CXorf65: variants seen among roughly 807,000 people sequenced by gnomAD.
CXorf65 encodes uncharacterized protein CXorf65.
For missense variants in CXorf65, 137 were observed against 144.7 expected, an observed-to-expected ratio of 0.95 and a Z score of 0.27; for synonymous variants, 54 against 51.4, an observed-to-expected ratio of 1.05 and a Z score of -0.21.
chrX:71,104,353 A>T lies in CXorf65; in HGVS notation c.371T>A (p.Leu124His). The T allele has an allele frequency of 9.9e-6, 12 of 1,209,337 alleles. No individual in the cohort carries two copies. Among genetic ancestry groups the T allele is most frequent in the Non-Finnish European group, 1.1e-5 (10 of 894,235 alleles). The stretch of plus-strand genomic sequence containing the variant: ...GACCTTCTTGGCTTCTTTCATTTTA[A>T]GCATCTGAATTCGTCTCCTCTCCAG... ...DALERRRIQMLKMKEAKKVVI... is the reference protein window; with the variant it reads ...DALERRRIQMHKMKEAKKVVI... The change falls in exon 5 of 6, where the codon CTT (leucine) becomes CAT (histidine). Residue 124 changes from leucine to histidine, a missense_variant. Coordinates refer to ENST00000374251, the MANE Select transcript of CXorf65 (RefSeq NM_001025265.3).
At position 71,104,126 on chromosome X, in the gene CXorf65, G is replaced by A. The variant is rs1465159981; in HGVS notation, c.427-14C>T. The stretch of plus-strand genomic sequence containing the variant: ...TGATTGCTTGGACTAGAAAAAGAAA[G>A]TAAGTAAACAAAGAGGCCCCTGCAG... On this transcript the variant is annotated splice_polypyrimidine_tract_variant and intron_variant, in intron 5 of 5. Transcript: ENST00000374251. 2 of 1,207,611 alleles carry A rather than the reference G, an allele frequency of 1.7e-6. No individual in the cohort carries two copies. The highest frequency in any genetic ancestry group is 3.5e-5 in the South Asian group (2 of 56,532).
intron 3 of CXorf65, 50 bp from the exon 4 acceptor site, chrX:71,104,887 C>T (rs766156288): frequency 2.7e-6 from 3 of 1,114,291 alleles, no homozygotes; most frequent in Non-Finnish European, 2.5e-6. Flanking sequence ...CCAGTCTCCA[C>T]CCTTCAGAAG....
intron 4 of CXorf65, 129 bp downstream of exon 4, chrX:71,104,640 C>A: frequency 2.9e-6 from 2 of 678,274 alleles, no homozygotes; most frequent in South Asian, 2.6e-5. Flanking sequence ...TGGACCTGGA[C>A]CCTGCCCGCC....
At chrX:71,104,187 A>G (rs1569479348) in intron 5 of CXorf65, 75 bp from the exon 6 acceptor site, 5 of 1,151,021 alleles carry the variant, frequency 4.3e-6, no homozygotes, top group Non-Finnish European at 5.9e-6. Flanking sequence ...AAGGAAGGAA[A>G]AAAGAAATTG....
At chrX:71,104,175 C>G in intron 5 of CXorf65, 63 bp from the exon 6 acceptor site, 1 of 1,165,088 alleles carries the variant, frequency 8.6e-7, no homozygotes, top group Non-Finnish European at 1.2e-6. Flanking sequence ...AACCCAGGGC[C>G]AAAGGAAGGA....
chrX:71,104,694 C>A, intron 4 of CXorf65, 75 bp downstream of exon 4: 1 of 1,013,532 alleles, frequency 9.9e-7, no homozygotes, highest in South Asian at 1.9e-5. Flanking sequence ...TCACGCTAGT[C>A]CCACCCTACA....
chrX:71,106,510 C>T, intron 1 of CXorf65, 22 bp downstream of exon 1: 1 of 1,207,277 alleles, frequency 8.3e-7, no homozygotes, highest in Non-Finnish European at 1.1e-6. Context: ...TCCACAGACT[C>T]TAGTTCTGTG....
chrX:71,105,514 G>A (rs963606210), intron 3 of CXorf65, among the ~76,000 whole-genome samples: 2 of 104,341 alleles, frequency 1.9e-5, no homozygotes, highest in Admixed American at 1.1e-4. Flanking sequence ...AGCTGAGATC[G>A]CGCCATTGCA....
At chrX:71,104,674 A>G in intron 4 of CXorf65, 95 bp downstream of exon 4, 1 of 889,210 alleles carries the variant, frequency 1.1e-6, no homozygotes, top group Non-Finnish European at 1.6e-6. Context: ...CTATCATCTG[A>G]CCTACCATAT....
intron 2 of CXorf65, 75 bp downstream of exon 2, chrX:71,106,265 A>G (rs988717680): frequency 1.8e-6 from 2 of 1,094,799 alleles, no homozygotes; most frequent in African/African-American, 3.7e-5. Flanking sequence ...TCTTGCCAGG[A>G]GGAGGGCTTG....
At chrX:71,106,316 T>C in intron 2 of CXorf65, 24 bp downstream of exon 2, 1 of 1,174,308 alleles carries the variant, frequency 8.5e-7, no homozygotes, top group Non-Finnish European at 1.2e-6. Flanking sequence ...CTTTGGCCAT[T>C]AGTCCCCTCC....
chrX:71,105,242 C>CA (rs1161401758), intron 3 of CXorf65, among the ~76,000 whole-genome samples: 11 of 107,498 alleles, frequency 1.0e-4, no homozygotes, highest in South Asian at 8.1e-4. Flanking sequence ...GACTCCATCA[C>CA]AAAAAATAAA....
intron 3 of CXorf65, among the ~76,000 whole-genome samples, chrX:71,105,572 A>C (rs1489729751): frequency 5.7e-5 from 4 of 70,436 alleles, no homozygotes; most frequent in Non-Finnish European, 1.5e-4. Context: ...TGTCCCAAAA[A>C]AAAAAAAAAA....
In CXorf65 at chrX:71,104,159, T is replaced by G. The variant is rs774685676; in HGVS notation, c.427-47A>C. On this transcript the variant is annotated intron_variant, in intron 5 of 5. Transcript: ENST00000374251. The stretch of plus-strand genomic sequence containing the variant: ...ACAAAGAGGCCCCTGCAGGGAAGGT[T>G]TCTACAACCCAGGGCCAAAGGAAGG... 2.5e-6 allele frequency: 3 copies of G among 1,190,939 alleles called. No homozygotes were observed. The Admixed American group carries it at 6.8e-5, about 27-fold the overall frequency.
At chrX:71,105,689 T>C (rs2092246256) in intron 3 of CXorf65, among the ~76,000 whole-genome samples, 1 of 111,362 alleles carries the variant, frequency 9.0e-6, no homozygotes, top group South Asian at 3.8e-4. Flanking sequence ...TTCCTTAGGC[T>C]GACTAGAGAT....
intron 2 of CXorf65, 87 bp downstream of exon 2, chrX:71,106,253 C>G: frequency 9.1e-7 from 1 of 1,103,630 alleles, no homozygotes; most frequent in Non-Finnish European, 1.3e-6. Flanking sequence ...GAGGAACTCC[C>G]TTCTTGCCAG....
Position 71,103,906 on chromosome X carries a change from G to T in CXorf65, c.*81C>A. On this transcript the variant is annotated 3_prime_UTR_variant, in exon 6 of 6. Transcript: ENST00000374251. ...AGGTGCCTGGGGCGTATGTACTCAA[G>T]CCTTAGTGCAGATATTGGGAGAAGG... The T allele has an allele frequency of 9.3e-7, 1 of 1,075,827 alleles. No homozygotes were observed. Among genetic ancestry groups the T allele is most frequent in the Non-Finnish European group, 1.3e-6 (1 of 777,148 alleles). 88.7% of individuals were successfully genotyped at this position (1,075,827 alleles called of 1,213,427 possible).
chrX:71,104,167 C>T, intron 5 of CXorf65, 55 bp from the exon 6 acceptor site: 7 of 1,179,800 alleles, frequency 5.9e-6, no homozygotes, highest in Non-Finnish European at 8.0e-6. Context: ...GTTTCTACAA[C>T]CCAGGGCCAA....
chrX:71,104,464 G>T, intron 4 of CXorf65, 60 bp from the exon 5 acceptor site: 1 of 785,765 alleles, frequency 1.3e-6, no homozygotes, highest in Non-Finnish European at 1.8e-6. Flanking sequence ...CCTTCCTGAT[G>T]CTCCCATTCA....
Sources: gnomAD v4.1 joint callset for allele counts (sites outside exome capture counted in the v4.1 genomes callset) on GRCh38, gnomAD v4.1.1 for gene constraint, MANE v1.5 for transcripts, NCBI Gene and HGNC (gene_info 2026-07-23, HGNC 2026-07-21) for gene names.